NMU: variants seen among roughly 807,000 people sequenced by gnomAD.
NMU encodes the protein neuromedin U.
Under a neutral mutation model 35.4 loss-of-function variants are expected in NMU, and 29 were observed. That is an observed-to-expected ratio of 0.82 (90% CI 0.61 to 1.12). NMU has a LOEUF of 1.12. NMU is among the 50% of genes most tolerant of loss of function. The pLI is 0.00. For missense variants in NMU, 199 were observed against 206.2 expected (o/e 0.97, Z 0.21); for synonymous variants, 78 against 81.3 (o/e 0.96, Z 0.22).
chr4:55,595,641 A>ATTTTTTTT (rs1350425305), intron 9 of NMU, among the ~76,000 whole-genome samples: 5 of 63,204 alleles, frequency 7.9e-5, no homozygotes, highest in African/African-American at 1.4e-4. Flanking sequence ...ATATATATAT[A>ATTTTTTTT]TATTTTTTTT....
intron 2 of NMU, among the ~76,000 whole-genome samples, chr4:55,625,274 CT>C (rs561798315): frequency 9.6e-4 from 139 of 144,548 alleles, no homozygotes; most frequent in African/African-American, 3.1e-3. Context: ...AGAATGTATA[CT>C]TTTTTTTTGC....
intron 2 of NMU, among the ~76,000 whole-genome samples, chr4:55,619,277 C>A (rs1734267600): frequency 6.8e-6 from 1 of 147,424 alleles, no homozygotes; most frequent in South Asian, 2.3e-4. Flanking sequence ...CTAGGGAGTG[C>A]CAGACAGTGG....
In NMU at chr4:55,599,194, A is replaced by G. The variant is rs1176786332; in HGVS notation, c.490-13T>C. The G allele has an allele frequency of 6.3e-7, 1 of 1,598,840 alleles. No homozygotes were observed. Among genetic ancestry groups the G allele is most frequent in the Non-Finnish European group, 8.6e-7 (1 of 1,166,312 alleles). On this transcript the variant is annotated splice_polypyrimidine_tract_variant and intron_variant, in intron 8 of 9. Coordinates refer to ENST00000264218, the MANE Select transcript of NMU (RefSeq NM_006681.4). ...TTCCATTCCGTGGCTGAAAAATAAT[A>G]GATTAGAAATAAATCAGTGTAACTA...
At chr4:55,597,710 C>T (rs58476553) in intron 9 of NMU, among the ~76,000 whole-genome samples, 10,021 of 152,124 alleles carry the variant, frequency 0.066, 397 homozygotes, top group South Asian at 0.15. Context: ...TTTCCCCATA[C>T]CTATTAGTCT....
intron 9 of NMU, 61 bp downstream of exon 9, chr4:55,599,081 T>C (rs1249951764): frequency 1.8e-6 from 2 of 1,087,766 alleles, no homozygotes; most frequent in Non-Finnish European, 2.8e-6. Context: ...TGTCAAACTG[T>C]GTTGAACTGT....
At chr4:55,615,756 C>T (rs541233732) in intron 3 of NMU, among the ~76,000 whole-genome samples, 2 of 152,152 alleles carry the variant, frequency 1.3e-5, no homozygotes, top group Admixed American at 1.3e-4. Context: ...ATCTAGTACC[C>T]AATAGTTACT....
intron 8 of NMU, among the ~76,000 whole-genome samples, chr4:55,599,828 C>T (rs1382182750): frequency 1.3e-5 from 2 of 152,124 alleles, no homozygotes; most frequent in Non-Finnish European, 2.9e-5. Context: ...TCACACAGTA[C>T]TTTATATTTG....
chr4:55,598,456 T>C (rs1056534961), intron 9 of NMU, among the ~76,000 whole-genome samples: 1 of 152,212 alleles, frequency 6.6e-6, no homozygotes, highest in Admixed American at 6.5e-5. Context: ...TACACTTTTA[T>C]TTCTGTGGTA....
intron 7 of NMU, among the ~76,000 whole-genome samples, chr4:55,602,458 T>G (rs1733465434): frequency 6.6e-6 from 1 of 152,168 alleles, no homozygotes; most frequent in African/African-American, 2.4e-5. Context: ...TCTGAAAATA[T>G]AGATGGTATC....
At chr4:55,623,930 A>G (rs1734414130) in intron 2 of NMU, among the ~76,000 whole-genome samples, 1 of 34,186 alleles carries the variant, frequency 2.9e-5, no homozygotes, top group African/African-American at 8.5e-5. Context: ...AGGATTCCCT[A>G]TTTAATAAAC....
intron 9 of NMU, 81 bp downstream of exon 9, chr4:55,599,058 AAAC>A (rs1480542699): frequency 5.5e-6 from 5 of 905,130 alleles, no homozygotes; most frequent in African/African-American, 5.0e-5. Flanking sequence ...GACTATTTGA[AAAC>A]AACAGCAAAT....
intron 2 of NMU, among the ~76,000 whole-genome samples, chr4:55,628,710 G>A (rs1577962879): frequency 6.6e-6 from 1 of 151,910 alleles, no homozygotes; most frequent in Non-Finnish European, 1.5e-5. Context: ...GGCTGGTCTC[G>A]AGCTCCTGAT....
At chr4:55,634,562 C>G (rs1440184465) in intron 1 of NMU, among the ~76,000 whole-genome samples, 1 of 152,170 alleles carries the variant, frequency 6.6e-6, no homozygotes. Flanking sequence ...GCAGTTATCT[C>G]TGATGCAAAT....
At chr4:55,633,926 G>GTTT (rs1715761799) in intron 1 of NMU, among the ~76,000 whole-genome samples, 1 of 152,212 alleles carries the variant, frequency 6.6e-6, no homozygotes. Flanking sequence ...CTTATAGGAA[G>GTTT]TTTCCTTCTT....
chr4:55,604,166 A>C (rs979931120), intron 7 of NMU, among the ~76,000 whole-genome samples: 1 of 149,722 alleles, frequency 6.7e-6, no homozygotes, highest in Non-Finnish European at 1.5e-5. Flanking sequence ...CCCCGGTTCA[A>C]GCGATTCTTC....
intron 3 of NMU, among the ~76,000 whole-genome samples, chr4:55,610,964 G>A (rs755282754): frequency 6.6e-6 from 1 of 152,082 alleles, no homozygotes; most frequent in Non-Finnish European, 1.5e-5. Context: ...AATTTCAAAA[G>A]CTTATAGAAT....
At position 55,609,123 on chromosome 4, in the gene NMU, A is replaced by T; in HGVS notation, c.276T>A (p.Pro92=). 6.2e-7 allele frequency: 1 copy of T among 1,612,960 alleles called. No homozygotes were observed. ...CAAAACACTATTTCAAGCTTACCTG[A>T]GGCTTTGGTAGCATTCCCATAATCA... ...CFMIMGMLPK[P]QEQDEKDNTK... The change falls in exon 4 of 10, where the codon CCT becomes CCA. Residue 92 remains proline, a synonymous_variant. Transcript: ENST00000264218.
chr4:55,599,210 A>C, intron 8 of NMU, 29 bp from the exon 9 acceptor site: 1 of 1,560,884 alleles, frequency 6.4e-7, no homozygotes, highest in South Asian at 1.1e-5. Flanking sequence ...GAAATAAATC[A>C]GTGTAACTAA....
At chr4:55,630,100 T>C (rs1734698101) in intron 2 of NMU, among the ~76,000 whole-genome samples, 1 of 152,068 alleles carries the variant, frequency 6.6e-6, no homozygotes, top group Admixed American at 6.6e-5. Flanking sequence ...TATTTCTGGA[T>C]CTATTAAAAA....
Sources: gnomAD v4.1 joint callset for allele counts (sites outside exome capture counted in the v4.1 genomes callset) on GRCh38, gnomAD v4.1.1 for gene constraint, MANE v1.5 for transcripts, NCBI Gene and HGNC (gene_info 2026-07-23, HGNC 2026-07-21) for gene names.